KAZN: variants seen among roughly 807,000 people sequenced by gnomAD.
KAZN encodes kazrin, periplakin interacting protein.
A neutral mutation model predicts 87.4 loss-of-function variants in KAZN; 40 were observed. The ratio of observed to expected loss-of-function variants is 0.46; its 90% CI spans 0.36 to 0.60. The LOEUF (loss-of-function observed/expected upper bound fraction) is 0.60, where lower values mean the gene tolerates loss of function less well. Among genes scored for constraint, KAZN ranks in the 20% least tolerant of loss-of-function variants. The pLI, the probability that KAZN is intolerant of heterozygous loss-of-function variation, is 0.00. For synonymous variants in KAZN, 466 were observed against 458.3 expected (o/e 1.02, Z -0.22); for missense variants, 898 against 1,073.9 (o/e 0.84, Z 2.29).
chr1:13,968,575 C>T (rs1440462503), intron 1 of KAZN, among the ~76,000 whole-genome samples: 2 of 152,224 alleles, frequency 1.3e-5, no homozygotes, highest in Non-Finnish European at 2.9e-5. Flanking sequence ...TGTCTTGAAT[C>T]ACTTCCGGTT....
intron 1 of KAZN, among the ~76,000 whole-genome samples, chr1:14,952,358 C>T (rs1389593818): frequency 2.0e-5 from 3 of 151,744 alleles, no homozygotes; most frequent in Non-Finnish European, 4.4e-5. Context: ...GGGGTTTAGA[C>T]CAGGATACCC....
At chr1:14,047,586 A>T (rs1377765336) in intron 1 of KAZN, among the ~76,000 whole-genome samples, 4 of 152,194 alleles carry the variant, frequency 2.6e-5, no homozygotes, top group African/African-American at 9.7e-5. Flanking sequence ...GAAAAAGTTT[A>T]GTCCGGGCAT....
At chr1:15,060,040 A>G (rs1239582142) in intron 5 of KAZN, 132 bp from the exon 6 acceptor site, 1 of 1,203,316 alleles carries the variant, frequency 8.3e-7, no homozygotes, top group Non-Finnish European at 1.2e-6. Context: ...AGAACCAGGC[A>G]AGTCTCTTCC....
intron 2 of KAZN, among the ~76,000 whole-genome samples, chr1:14,991,577 C>A (rs1169893524): frequency 6.6e-6 from 1 of 152,212 alleles, no homozygotes; most frequent in Admixed American, 6.5e-5. Context: ...ACCCTCAGAA[C>A]CTTCTAGCTG....
At chr1:15,034,029 C>T (rs1261286400) in intron 2 of KAZN, among the ~76,000 whole-genome samples, 1 of 152,114 alleles carries the variant, frequency 6.6e-6, no homozygotes, top group Non-Finnish European at 1.5e-5. Flanking sequence ...CATAAGCCAC[C>T]GCACCTGACT....
chr1:14,721,420 G>A (rs1643097182), intron 1 of KAZN, among the ~76,000 whole-genome samples: 1 of 152,226 alleles, frequency 6.6e-6, no homozygotes, highest in African/African-American at 2.4e-5. Flanking sequence ...GCTGGACTGT[G>A]AGTCAATTAA....
intron 1 of KAZN, among the ~76,000 whole-genome samples, chr1:14,044,147 C>T (rs1641958271): frequency 6.6e-6 from 1 of 152,016 alleles, no homozygotes. Context: ...ATTGAGTCTC[C>T]ATCTGACTCC....
intron 1 of KAZN, among the ~76,000 whole-genome samples, chr1:14,754,508 C>T (rs908907287): frequency 2.0e-5 from 3 of 152,092 alleles, no homozygotes; most frequent in Non-Finnish European, 2.9e-5. Flanking sequence ...TGGTGGGCGC[C>T]TGTAACCCCA....
intron 1 of KAZN, among the ~76,000 whole-genome samples, chr1:14,004,976 G>T (rs891044144): frequency 6.6e-6 from 1 of 151,396 alleles, no homozygotes; most frequent in African/African-American, 2.5e-5. Context: ...GGATGCCACA[G>T]AGAGTCCCCA....
chr1:14,459,260 CGTGT>C (rs969777643), intron 2 of KAZN, among the ~76,000 whole-genome samples: 14 of 118,100 alleles, frequency 1.2e-4, no homozygotes, highest in African/African-American at 1.5e-4. Context: ...TGTGTGTGCG[CGTGT>C]GTGTGTGTGT....
intron 1 of KAZN, among the ~76,000 whole-genome samples, chr1:14,608,014 A>G (rs951118609): frequency 2.0e-5 from 3 of 152,228 alleles, no homozygotes; most frequent in Admixed American, 6.5e-5. Flanking sequence ...GAAGCTTAGA[A>G]GGGTTAAGTT....
intron 1 of KAZN, among the ~76,000 whole-genome samples, chr1:14,041,677 T>C (rs1283382743): frequency 5.9e-5 from 9 of 152,220 alleles, no homozygotes; most frequent in Non-Finnish European, 1.0e-4. Flanking sequence ...CTTTCTCCTG[T>C]GCTAGATTCC....
chr1:14,648,632 C>T (rs1366785837), intron 1 of KAZN, among the ~76,000 whole-genome samples: 2 of 152,154 alleles, frequency 1.3e-5, no homozygotes, highest in East Asian at 1.9e-4. Flanking sequence ...GGAACTTGGA[C>T]ACTTGACTTA....
At chr1:15,027,671 AG>A (rs142524016) in intron 2 of KAZN, among the ~76,000 whole-genome samples, 11 of 152,206 alleles carry the variant, frequency 7.2e-5, no homozygotes, top group East Asian at 1.9e-4. Context: ...TGGAAAAGAA[AG>A]GGGGGCCCCC....
chr1:14,578,417 G>T (rs1675325139), intron 2 of KAZN, among the ~76,000 whole-genome samples: 1 of 151,592 alleles, frequency 6.6e-6, no homozygotes, highest in Non-Finnish European at 1.5e-5. Context: ...GAGGAGAAAA[G>T]AATTTAAATA....
intron 2 of KAZN, among the ~76,000 whole-genome samples, chr1:14,360,744 C>A (rs1452062657): frequency 1.3e-5 from 2 of 152,228 alleles, no homozygotes; most frequent in African/African-American, 4.8e-5. Flanking sequence ...TCCAGACCCT[C>A]TTTGCCTGGC....
At chr1:13,945,084 A>G (rs1190135946) in intron 1 of KAZN, among the ~76,000 whole-genome samples, 1 of 152,170 alleles carries the variant, frequency 6.6e-6, no homozygotes, top group Non-Finnish European at 1.5e-5. Flanking sequence ...TGAAGGTAAA[A>G]GACATTACTA....
intron 2 of KAZN, among the ~76,000 whole-genome samples, chr1:14,245,022 G>T (rs1474047179): frequency 6.6e-6 from 1 of 151,828 alleles, no homozygotes; most frequent in South Asian, 2.1e-4. Context: ...GTGCAGTGGC[G>T]AGATCTCGGC....
At chr1:15,110,483 GTGTGTGTATGTATGTGTGTGTATT>G (rs1481786625) in intron 13 of KAZN, among the ~76,000 whole-genome samples, 1 of 45,890 alleles carries the variant, frequency 2.2e-5, no homozygotes, top group East Asian at 1.3e-3. Flanking sequence ...TTGTGTATTT[GTGTGTGTATGTATGTGTGTGTATT>G]TGTGTGTTTG....
Sources: gnomAD v4.1 joint callset for allele counts (sites outside exome capture counted in the v4.1 genomes callset) on GRCh38, gnomAD v4.1.1 for gene constraint, MANE v1.5 for transcripts, NCBI Gene and HGNC (gene_info 2026-07-23, HGNC 2026-07-21) for gene names.